Variants in MTRF1 observed in about 807,000 individuals in gnomAD.
The protein encoded by MTRF1 is mitochondrial translation release factor 1.
A neutral mutation model predicts 62.9 loss-of-function variants in MTRF1; 51 were observed. The ratio of observed to expected loss-of-function variants is 0.81; its 90% CI spans 0.65 to 1.02. The LOEUF is 1.02. Among genes scored for constraint, MTRF1 ranks in the 50% least tolerant of loss-of-function variants. The pLI is 0.00. For missense variants in MTRF1, 446 were observed against 530.0 expected, an observed-to-expected ratio of 0.84 and a Z score of 1.56; for synonymous variants, 158 against 181.9, an observed-to-expected ratio of 0.87 and a Z score of 1.06.
the MTRF1 span, among the ~76,000 whole-genome samples, chr13:41,301,532 G>A: frequency 1.3e-5 from 2 of 152,184 alleles, no homozygotes; most frequent in African/African-American, 4.8e-5. Flanking sequence ...CGGATCACCT[G>A]AAGTCAGGAG....
chr13:41,294,161 T>A, the MTRF1 span, among the ~76,000 whole-genome samples: 1 of 152,156 alleles, frequency 6.6e-6, no homozygotes, highest in South Asian at 2.1e-4. Context: ...GGCTTATACC[T>A]GTAATCCCAG....
At position 41,263,512 on chromosome 13, in the gene MTRF1, T is replaced by G. The variant is rs937004970; in HGVS notation, c.-36A>C. On this transcript the variant is annotated 5_prime_UTR_variant, in exon 1 of 10. Transcript: ENST00000379480. ...AAGAAAAAGAAGAATACACGTTAGCTCTCTTTACTGAGGTCGGAACCTTCC... is the reference window on the plus strand; with the variant it reads ...AAGAAAAAGAAGAATACACGTTAGCGCTCTTTACTGAGGTCGGAACCTTCC... 3 of 275,352 alleles carry G rather than the reference T, an allele frequency of 1.1e-5. No individual in the cohort carries two copies. The highest frequency in any genetic ancestry group is 4.5e-5 in the Admixed American group (1 of 22,366). The allele number at this position is 275,352 out of a possible 1,614,324, so 17.1% of individuals were successfully genotyped here.
At chr13:41,237,323 T>C (rs981894046) in intron 6 of MTRF1, among the ~76,000 whole-genome samples, 4 of 151,824 alleles carry the variant, frequency 2.6e-5, no homozygotes, top group African/African-American at 9.7e-5. Flanking sequence ...GTTTTGCTTT[T>C]TTAACCATGT....
chr13:41,260,035 T>C (rs899949389), intron 2 of MTRF1, among the ~76,000 whole-genome samples: 3 of 152,216 alleles, frequency 2.0e-5, no homozygotes, highest in African/African-American at 7.2e-5. Flanking sequence ...CTCCCAGACC[T>C]TGAGACCACG....
intron 2 of MTRF1, among the ~76,000 whole-genome samples, chr13:41,256,665 A>G (rs1445977882): frequency 6.6e-6 from 1 of 152,108 alleles, no homozygotes; most frequent in Non-Finnish European, 1.5e-5. Flanking sequence ...CACATTGTGC[A>G]CATATGCCAC....
chr13:41,219,775 G>A (rs556289548), intron 9 of MTRF1, among the ~76,000 whole-genome samples: 1 of 152,252 alleles, frequency 6.6e-6, no homozygotes, highest in African/African-American at 2.4e-5. Flanking sequence ...AAGACAGGCA[G>A]ATCACTTGAG....
At chr13:41,292,411 C>T in the MTRF1 span, among the ~76,000 whole-genome samples, 1 of 151,574 alleles carries the variant, frequency 6.6e-6, no homozygotes, top group African/African-American at 2.4e-5. Context: ...GGTGAAACCC[C>T]GTCTCTACTA....
intron 2 of MTRF1, among the ~76,000 whole-genome samples, chr13:41,255,584 C>T (rs1388061459): frequency 6.6e-6 from 1 of 152,050 alleles, no homozygotes; most frequent in Non-Finnish European, 1.5e-5. Context: ...CCTAGCTACT[C>T]GGGAGGCTGA....
At chr13:41,290,328 T>C in the MTRF1 span, among the ~76,000 whole-genome samples, 4 of 151,950 alleles carry the variant, frequency 2.6e-5, no homozygotes. Flanking sequence ...CTTGAACTCC[T>C]GACCTCGTGA....
chr13:41,292,503 C>A, the MTRF1 span, among the ~76,000 whole-genome samples: 1 of 150,132 alleles, frequency 6.7e-6, no homozygotes, highest in Admixed American at 6.7e-5. Context: ...ATGGCATGAA[C>A]CTGGGAGGCG....
chr13:41,269,643 A>G, the MTRF1 span, among the ~76,000 whole-genome samples: 3 of 152,054 alleles, frequency 2.0e-5, no homozygotes, highest in Non-Finnish European at 4.4e-5. Flanking sequence ...CAAAATATCT[A>G]TTATTTAATT....
chr13:41,286,098 A>C, the MTRF1 span, among the ~76,000 whole-genome samples: 3 of 151,182 alleles, frequency 2.0e-5, no homozygotes, highest in African/African-American at 7.3e-5. Flanking sequence ...CAAAAAAAAA[A>C]AAAAAAAAGG....
chr13:41,255,589 G>A (rs1190865019), intron 2 of MTRF1, among the ~76,000 whole-genome samples: 1 of 152,176 alleles, frequency 6.6e-6, no homozygotes, highest in Non-Finnish European at 1.5e-5. Context: ...CTACTCGGGA[G>A]GCTGAGGCAG....
At chr13:41,233,287 GGAA>G (rs1215332782) in intron 7 of MTRF1, among the ~76,000 whole-genome samples, 1 of 152,100 alleles carries the variant, frequency 6.6e-6, no homozygotes, top group African/African-American at 2.4e-5. Flanking sequence ...TGAGAGTAGA[GGAA>G]GTAGGAAGAG....
chr13:41,243,727 C>T (rs1197240535), intron 5 of MTRF1, among the ~76,000 whole-genome samples: 1 of 152,156 alleles, frequency 6.6e-6, no homozygotes, highest in African/African-American at 2.4e-5. Context: ...TTCTACCACA[C>T]TTTTATTGTA....
chr13:41,239,255 A>G (rs1186600699), intron 6 of MTRF1, among the ~76,000 whole-genome samples: 1 of 152,102 alleles, frequency 6.6e-6, no homozygotes, highest in Non-Finnish European at 1.5e-5. Flanking sequence ...ATAAATAAAT[A>G]GCTATTAAAA....
At chr13:41,260,373 G>A in intron 2 of MTRF1, 120 bp downstream of exon 2, 1 of 1,007,080 alleles carries the variant, frequency 9.9e-7, no homozygotes, top group Non-Finnish European at 1.4e-6. Flanking sequence ...AAAAAACAAA[G>A]ACTAAGTTCA....
chr13:41,237,841 T>G (rs1248092700), intron 6 of MTRF1, among the ~76,000 whole-genome samples: 1 of 152,168 alleles, frequency 6.6e-6, no homozygotes, highest in African/African-American at 2.4e-5. Context: ...AGGGGAAAAA[T>G]CTTAAACATT....
chr13:41,236,198 C>T (rs1243735736), intron 6 of MTRF1: 1 of 152,154 alleles, frequency 6.6e-6, no homozygotes, highest in Admixed American at 6.6e-5. Context: ...TCACTGCAAC[C>T]TCTGACTCCC....
Sources: gnomAD v4.1 joint callset for allele counts (sites outside exome capture counted in the v4.1 genomes callset) on GRCh38, gnomAD v4.1.1 for gene constraint, MANE v1.5 for transcripts, NCBI Gene and HGNC (gene_info 2026-07-23, HGNC 2026-07-21) for gene names.